Variants in TRAK2 observed in about 807,000 individuals in gnomAD.
The protein encoded by TRAK2 is trafficking kinesin protein 2.
In TRAK2, 81 loss-of-function variants were observed where a neutral mutation model predicts 104.6. That is an observed-to-expected ratio of 0.77 (90% CI 0.65 to 0.93). The LOEUF is 0.93. Among genes scored for constraint, TRAK2 ranks in the 40% least tolerant of loss-of-function variants. TRAK2 has a pLI of 0.00. For synonymous variants in TRAK2, 406 were observed against 394.4 expected, an observed-to-expected ratio of 1.03 and a Z score of -0.35; for missense variants, 1,002 against 1,089.0, an observed-to-expected ratio of 0.92 and a Z score of 1.12.
At chr2:201,394,471 G>T (rs1454535787) in intron 9 of TRAK2, among the ~76,000 whole-genome samples, 1 of 151,614 alleles carries the variant, frequency 6.6e-6, no homozygotes, top group Non-Finnish European at 1.5e-5. Flanking sequence ...CTCCTGGGTA[G>T]CTGGGATTAC....
chr2:201,380,521 A>G lies in TRAK2; in HGVS notation c.*22T>C, dbSNP rs3795966. On this transcript the variant is annotated 3_prime_UTR_variant, in exon 16 of 16. Transcript: ENST00000332624. Reference sequence around the variant, plus strand: ...ATCCTTCATGTGCTAACTTGTATAAAAGGTCAGTTAACTGCTGAACCTCAG... The same window carrying G: ...ATCCTTCATGTGCTAACTTGTATAAGAGGTCAGTTAACTGCTGAACCTCAG... The G allele has an allele frequency of 0.65, 1,050,261 of 1,606,166 alleles. 348,501 individuals carry two copies. Among genetic ancestry groups the G allele is most frequent in the South Asian group, 0.7 (63,207 of 90,494 alleles).
intron 8 of TRAK2, 40 bp downstream of exon 8, chr2:201,395,274 G>T: frequency 6.4e-7 from 1 of 1,550,458 alleles, no homozygotes; most frequent in South Asian, 1.1e-5. Flanking sequence ...TACTATGTGA[G>T]TGCTTAACAA....
chr2:201,404,134 T>C (rs759933330), intron 3 of TRAK2, among the ~76,000 whole-genome samples: 1 of 152,214 alleles, frequency 6.6e-6, no homozygotes, highest in Non-Finnish European at 1.5e-5. Flanking sequence ...GTTTAAAGTC[T>C]TGGCATTTAG....
Position 201,381,221 on chromosome 2 carries a change from T to TA in TRAK2, c.2070-4dup, listed in dbSNP as rs3832088. ...AGGATAATGAAGGGAACCCAGAGCT[T>TA]AAAAAAAAAAAAAAAAAGTGGGAGA... On this transcript the variant is annotated splice_polypyrimidine_tract_variant and splice_region_variant and intron_variant, in intron 15 of 15. Coordinates refer to ENST00000332624, the MANE Select transcript of TRAK2 (RefSeq NM_015049.3). The TA allele has an allele frequency of 9.0e-3, 13,548 of 1,508,886 alleles. No individual in the cohort carries two copies. Among genetic ancestry groups the TA allele is most frequent in the East Asian group, 0.017 (710 of 42,098 alleles). 93.5% of individuals were successfully genotyped at this position (1,508,886 alleles called of 1,614,324 possible).
intron 15 of TRAK2, among the ~76,000 whole-genome samples, chr2:201,381,575 T>C (rs552424935): frequency 6.6e-6 from 1 of 152,142 alleles, no homozygotes; most frequent in East Asian, 1.9e-4. Context: ...GCAAAGAAAT[T>C]TGAAGATTAA....
Position 201,401,027 on chromosome 2 carries a change from G to A in TRAK2, c.354C>T (p.Leu118=). The A allele has an allele frequency of 6.2e-7, 1 of 1,610,622 alleles. No homozygotes were observed. Among genetic ancestry groups the A allele is most frequent in the African/African-American group, 1.3e-5 (1 of 74,854 alleles). The stretch of plus-strand genomic sequence containing the variant: ...GAAAAGATATTCCTACCTCTGCCAG[G>A]AGATGTGTAACCATGTCGATGTCAT... ...TYNDIDMVTH[L]LAERDRDLEL... Residue 118 remains leucine (L), a synonymous_variant, in exon 4 of 16, where the codon CTC becomes CTT. Coordinates refer to ENST00000332624, the MANE Select transcript of TRAK2 (RefSeq NM_015049.3).
intron 1 of TRAK2, among the ~76,000 whole-genome samples, chr2:201,448,980 C>A (rs924260554): frequency 1.3e-5 from 2 of 152,178 alleles, no homozygotes; most frequent in African/African-American, 4.8e-5. Flanking sequence ...AGTCACCACA[C>A]CCAGCAGGGT....
chr2:201,389,582 T>G, intron 11 of TRAK2, 79 bp from the exon 12 acceptor site: 1 of 1,418,076 alleles, frequency 7.1e-7, no homozygotes, highest in Non-Finnish European at 9.9e-7. Context: ...GTGCAGTCCA[T>G]CAGAAATAAA....
In TRAK2 at chr2:201,407,538, G is replaced by GT; in HGVS notation, c.150dup (p.Leu51ThrfsTer5). 6.2e-7 allele frequency: 1 copy of GT among 1,614,086 alleles called. No homozygotes were observed. Among genetic ancestry groups the GT allele is most frequent in the Admixed American group, 1.7e-5 (1 of 60,020 alleles). On this transcript the variant is annotated frameshift_variant, in exon 3 of 16. Coordinates refer to ENST00000332624, the MANE Select transcript of TRAK2 (RefSeq NM_015049.3). LOFTEE classifies it high-confidence loss of function. ...TCTACTTTTAGCCTATACTGTGGTAGTTGTTCTTCTAGCAGACTCACCAGC... is the reference window on the plus strand; with the variant it reads ...TCTACTTTTAGCCTATACTGTGGTAGTTTGTTCTTCTAGCAGACTCACCAGC...
Position 201,451,257 on chromosome 2 carries a change from G to A in TRAK2, c.-200+93C>T, listed in dbSNP as rs1350289328. The stretch of plus-strand genomic sequence containing the variant: ...GCTCCGACGTCCGCGCGTGACCTCC[G>A]GGTACCGGAGGACCTTGGGACGAGG... On this transcript the variant is annotated intron_variant, in intron 1 of 15. Coordinates refer to ENST00000332624, the MANE Select transcript of TRAK2 (RefSeq NM_015049.3). The A allele has an allele frequency of 2.0e-5, 3 of 152,462 alleles. No individual in the cohort carries two copies. In the East Asian group the frequency reaches 5.8e-4, roughly 29 times the overall value. The allele number at this position is 152,462 out of a possible 1,614,324, so 9.4% of individuals were successfully genotyped here.
chr2:201,401,044 C>T lies in TRAK2; in HGVS notation c.337G>A (p.Asp113Asn), dbSNP rs752578019. Reference sequence around the variant, plus strand: ...TCTGCCAGGAGATGTGTAACCATGTCGATGTCATTGTAAGTTTTGGTCATC... The same window carrying T: ...TCTGCCAGGAGATGTGTAACCATGTTGATGTCATTGTAAGTTTTGGTCATC... ...EQMTKTYNDIDMVTHLLAERD... is the reference protein window; with the variant it reads ...EQMTKTYNDINMVTHLLAERD... Residue 113 changes from aspartate (D) to asparagine (N), a missense_variant, in exon 4 of 16, where the codon GAC becomes AAC. By Grantham distance (23) the Asp-to-Asn change is conservative (BLOSUM62 1). Transcript: ENST00000332624. 1.2e-6 allele frequency: 2 copies of T among 1,611,276 alleles called. No homozygotes were observed. The highest frequency in any genetic ancestry group is 1.1e-5 in the South Asian group (1 of 90,784).
intron 1 of TRAK2, among the ~76,000 whole-genome samples, chr2:201,431,079 G>C (rs1951838704): frequency 6.6e-6 from 1 of 152,188 alleles, no homozygotes; most frequent in South Asian, 2.1e-4. Flanking sequence ...TCTTCACATA[G>C]AAGGACATAA....
rs1258360754 is a variant in TRAK2 at position 201,383,628 on chromosome 2, A to G, written c.2069+483T>C. Reference sequence around the variant, plus strand: ...CTGCCCTATGCCTTTCTTCCTTTGGATAATTTTAACCTGTATTCGTTCCTT... The same window carrying G: ...CTGCCCTATGCCTTTCTTCCTTTGGGTAATTTTAACCTGTATTCGTTCCTT... On this transcript the variant is annotated intron_variant, in intron 15 of 15. Coordinates refer to ENST00000332624, the MANE Select transcript of TRAK2 (RefSeq NM_015049.3). Among the ~76,000 whole-genome samples the G allele has an allele frequency of 3.9e-5, 6 of 152,302 alleles. No individual in the cohort carries two copies. In the East Asian group the frequency reaches 1.2e-3, roughly 29 times the overall value.
chr2:201,438,571 C>T (rs537468969), intron 1 of TRAK2, among the ~76,000 whole-genome samples: 216 of 152,290 alleles, frequency 1.4e-3, no homozygotes, highest in Middle Eastern at 0.014. Context: ...AAAGCTGAGG[C>T]CTCTATCCTC....
intron 10 of TRAK2, 125 bp from the exon 11 acceptor site, chr2:201,390,005 A>G: frequency 1.6e-6 from 1 of 616,626 alleles, no homozygotes; most frequent in Non-Finnish European, 2.7e-6. Flanking sequence ...CATTCAGGGG[A>G]AAAAAGACAT....
chr2:201,440,266 T>G (rs968272183), intron 1 of TRAK2, among the ~76,000 whole-genome samples: 2 of 152,152 alleles, frequency 1.3e-5, no homozygotes, highest in Non-Finnish European at 2.9e-5. Flanking sequence ...CCTCCCTCAC[T>G]GTGAGGCTAT....
At chr2:201,437,228 C>CTA (rs1951885671) in intron 1 of TRAK2, among the ~76,000 whole-genome samples, 1 of 152,134 alleles carries the variant, frequency 6.6e-6, no homozygotes, top group South Asian at 2.1e-4. Context: ...AGCTTGAAGG[C>CTA]TATAATAAAT....
intron 9 of TRAK2, among the ~76,000 whole-genome samples, chr2:201,393,609 T>C (rs562853020): frequency 2.0e-5 from 3 of 152,324 alleles, no homozygotes; most frequent in Admixed American, 1.3e-4. Context: ...GTGCAGTATA[T>C]GCCCCAGTTC....
intron 10 of TRAK2, among the ~76,000 whole-genome samples, chr2:201,390,292 C>T (rs923847287): frequency 2.0e-5 from 3 of 151,452 alleles, no homozygotes; most frequent in Middle Eastern, 3.2e-3. Context: ...CACCTGTAAT[C>T]CCAGCACTTT....
Sources: gnomAD v4.1 joint callset for allele counts (sites outside exome capture counted in the v4.1 genomes callset) on GRCh38, gnomAD v4.1.1 for gene constraint, MANE v1.5 for transcripts, NCBI Gene and HGNC (gene_info 2026-07-23, HGNC 2026-07-21) for gene names.